The following COP1 variants were observed in gnomAD, a reference collection of about 807,000 sequenced individuals.
COP1 encodes the protein E3 ubiquitin-protein ligase COP1.
In COP1, 24 loss-of-function variants were observed where a neutral mutation model predicts 101.3. The ratio of observed to expected loss-of-function variants is 0.24; its 90% CI spans 0.17 to 0.33. The LOEUF is 0.33. COP1 is among the 10% of genes least tolerant of loss of function. The probability of loss-of-function intolerance (pLI) is 1.00; values close to 1 mark genes in which losing one functional copy is unlikely to be tolerated. For missense variants in COP1, 663 were observed against 906.2 expected (o/e 0.73, Z 3.45); for synonymous variants, 347 against 341.9 (o/e 1.01, Z -0.17).
chr1:176,197,843 T>TA (rs922185619), intron 1 of COP1, among the ~76,000 whole-genome samples: 7 of 152,066 alleles, frequency 4.6e-5, no homozygotes, highest in East Asian at 1.9e-4. Context: ...AAGGTCAACA[T>TA]AAAAAAAGTG....
chr1:176,065,054 G>A (rs752104996), intron 11 of COP1, among the ~76,000 whole-genome samples: 14 of 152,132 alleles, frequency 9.2e-5, no homozygotes, highest in Admixed American at 3.3e-4. Flanking sequence ...GAAGTTGTAC[G>A]TAAGTCAATA....
intron 5 of COP1, among the ~76,000 whole-genome samples, chr1:176,154,042 C>T (rs542471401): frequency 6.6e-6 from 1 of 152,234 alleles, no homozygotes; most frequent in East Asian, 1.9e-4. Context: ...TAACACTGGT[C>T]TTAAGTTTCC....
intron 15 of COP1, among the ~76,000 whole-genome samples, chr1:176,020,050 G>T (rs1666472361): frequency 6.6e-6 from 1 of 152,078 alleles, no homozygotes; most frequent in Non-Finnish European, 1.5e-5. Flanking sequence ...ACTTGGCCAG[G>T]CATGGTGGCT....
chr1:176,139,972 A>G (rs938318757), intron 6 of COP1, among the ~76,000 whole-genome samples: 15 of 152,340 alleles, frequency 9.8e-5, no homozygotes, highest in African/African-American at 3.4e-4. Flanking sequence ...ATTTAAAAAG[A>G]AAGTAAATAT....
chr1:176,166,206 A>T (rs1241250496), intron 3 of COP1, among the ~76,000 whole-genome samples: 1 of 152,136 alleles, frequency 6.6e-6, no homozygotes, highest in Non-Finnish European at 1.5e-5. Context: ...GGCTCCCTGC[A>T]ACCTCCGCCT....
At chr1:175,945,538 T>C (rs1051798749) in intron 19 of COP1, among the ~76,000 whole-genome samples, 1 of 152,242 alleles carries the variant, frequency 6.6e-6, no homozygotes, top group Non-Finnish European at 1.5e-5. Flanking sequence ...TTTAATCTGT[T>C]TTCTTCTTTC....
intron 9 of COP1, among the ~76,000 whole-genome samples, chr1:176,096,329 C>T (rs992181496): frequency 6.6e-6 from 1 of 152,068 alleles, no homozygotes; most frequent in Non-Finnish European, 1.5e-5. Flanking sequence ...AGGTGGTCCA[C>T]ACCCACTTAA....
At chr1:176,058,369 G>C (rs1674187059) in intron 11 of COP1, among the ~76,000 whole-genome samples, 1 of 152,302 alleles carries the variant, frequency 6.6e-6, no homozygotes, top group East Asian at 1.9e-4. Context: ...GATGGTTGCT[G>C]TGTCTGTGTA....
chr1:176,089,439 T>C (rs1205042068), intron 9 of COP1, among the ~76,000 whole-genome samples: 1 of 152,124 alleles, frequency 6.6e-6, no homozygotes, highest in East Asian at 1.9e-4. Flanking sequence ...GGCAATAAAC[T>C]TGAAAAATGT....
At chr1:176,187,795 CA>C (rs1451614045) in intron 1 of COP1, among the ~76,000 whole-genome samples, 1 of 151,928 alleles carries the variant, frequency 6.6e-6, no homozygotes, top group East Asian at 1.9e-4. Flanking sequence ...CAGAATACAC[CA>C]AAAAGAGAAA....
intron 2 of COP1, among the ~76,000 whole-genome samples, chr1:176,177,822 C>T (rs1368529752): frequency 6.6e-6 from 1 of 152,130 alleles, no homozygotes; most frequent in Non-Finnish European, 1.5e-5. Context: ...CCCCAGGTTT[C>T]GCCCTTCTGG....
intron 2 of COP1, among the ~76,000 whole-genome samples, chr1:176,181,894 T>A (rs1334803003): frequency 1.4e-4 from 21 of 151,662 alleles, no homozygotes; most frequent in Admixed American, 1.2e-3. Flanking sequence ...CATCAGGGTA[T>A]AACATAAAAA....
intron 11 of COP1, among the ~76,000 whole-genome samples, chr1:176,051,497 T>C (rs1672546674): frequency 6.6e-6 from 1 of 152,236 alleles, no homozygotes; most frequent in Non-Finnish European, 1.5e-5. Flanking sequence ...GTACATATAC[T>C]TGAAAATAAA....
At chr1:176,078,889 A>C (rs1678579903) in intron 11 of COP1, among the ~76,000 whole-genome samples, 1 of 152,216 alleles carries the variant, frequency 6.6e-6, no homozygotes. Flanking sequence ...CATATGAAAA[A>C]ACACTCAGCA....
chr1:176,095,713 T>A (rs1682226704), intron 9 of COP1, among the ~76,000 whole-genome samples: 1 of 151,330 alleles, frequency 6.6e-6, no homozygotes, highest in South Asian at 2.1e-4. Context: ...TTCTTTGCAA[T>A]TTTCCTTGTG....
At chr1:175,989,193 G>A in intron 16 of COP1, 169 bp downstream of exon 16, 1 of 468,038 alleles carries the variant, frequency 2.1e-6, no homozygotes. Context: ...ATACAGACCA[G>A]AAACCACACT....
At chr1:176,145,208 A>C (rs892944122) in intron 6 of COP1, among the ~76,000 whole-genome samples, 1 of 152,246 alleles carries the variant, frequency 6.6e-6, no homozygotes, top group East Asian at 1.9e-4. Context: ...TTCACACACA[A>C]ACATAAAAAA....
chr1:176,161,960 C>T (rs1694392476), intron 5 of COP1, among the ~76,000 whole-genome samples: 2 of 152,296 alleles, frequency 1.3e-5, no homozygotes, highest in East Asian at 1.9e-4. Context: ...GAAACAAAAG[C>T]TCCTTTTTTT....
At chr1:176,205,666 T>G (rs1250126024) in intron 1 of COP1, among the ~76,000 whole-genome samples, 1 of 152,164 alleles carries the variant, frequency 6.6e-6, no homozygotes, top group African/African-American at 2.4e-5. Context: ...CCAATAAAAA[T>G]TCCAAAACAC....
Sources: allele counts gnomAD v4.1 joint callset (sites outside exome capture counted in the v4.1 genomes callset), GRCh38; gene constraint gnomAD v4.1.1; transcripts MANE v1.5; gene names NCBI Gene and HGNC (gene_info 2026-07-23, HGNC 2026-07-21).